The following GABRG1 variants were observed in gnomAD, a reference collection of about 807,000 sequenced individuals.
GABRG1 encodes gamma-aminobutyric acid type A receptor subunit gamma1.
In GABRG1, 49 loss-of-function variants were observed where a neutral mutation model predicts 49.8. The observed-to-expected ratio is 0.98, with a 90% CI of 0.78 to 1.25. The LOEUF is 1.25. Among genes scored for constraint, GABRG1 ranks in the 50% most tolerant of loss-of-function variants. The pLI is 0.00. For missense variants in GABRG1, 552 were observed against 552.3 expected (o/e 1.00, Z 0.01); for synonymous variants, 232 against 185.1 (o/e 1.25, Z -2.06).
chr4:46,097,285 G>A lies in GABRG1; in HGVS notation c.169C>T (p.Pro57Ser). ...GTGATATCTCCTTCATGAATTTTTGGGGCCAAGACCCAGGTTTTGTTCACC... is the reference window on the plus strand; with the variant it reads ...GTGATATCTCCTTCATGAATTTTTGAGGCCAAGACCCAGGTTTTGTTCACC... Reference protein sequence around the residue: ...LTVNKTWVLAPKIHEGDITQI... With the variant: ...LTVNKTWVLASKIHEGDITQI... The change falls in exon 2 of 9, where the codon CCA becomes TCA. Residue 57 changes from proline to serine, a missense_variant. Physicochemically the swap from Pro to Ser is moderately conservative, Grantham distance 74 (BLOSUM62 -1). Transcript: ENST00000295452. The A allele has an allele frequency of 1.2e-6, 2 of 1,610,638 alleles. No individual in the cohort carries two copies. Among genetic ancestry groups the A allele is most frequent in the Non-Finnish European group, 1.7e-6 (2 of 1,177,978 alleles).
At chr4:46,047,302 A>T (rs1167154647) in intron 8 of GABRG1, among the ~76,000 whole-genome samples, 2 of 152,104 alleles carry the variant, frequency 1.3e-5, no homozygotes, top group Admixed American at 1.3e-4. Flanking sequence ...CAGCTGACAT[A>T]GTTCCCTCTA....
chr4:46,044,261 C>A (rs1717901649), intron 8 of GABRG1, among the ~76,000 whole-genome samples: 1 of 151,862 alleles, frequency 6.6e-6, no homozygotes, highest in South Asian at 2.1e-4. Context: ...TTTCTTGAGC[C>A]CAGGAGTTTG....
At chr4:46,105,206 T>C (rs1284145295) in intron 1 of GABRG1, among the ~76,000 whole-genome samples, 1 of 151,376 alleles carries the variant, frequency 6.6e-6, no homozygotes, top group Non-Finnish European at 1.5e-5. Context: ...GGGCAAATTA[T>C]TGATACAAGA....
chr4:46,071,495 T>A (rs1719121318), intron 3 of GABRG1, among the ~76,000 whole-genome samples: 1 of 150,576 alleles, frequency 6.6e-6, no homozygotes, highest in Non-Finnish European at 1.5e-5. Flanking sequence ...GTATACAATA[T>A]GTATATGTAC....
At chr4:46,069,750 T>C (rs1041908674) in intron 3 of GABRG1, among the ~76,000 whole-genome samples, 22 of 152,218 alleles carry the variant, frequency 1.4e-4, no homozygotes, top group Non-Finnish European at 1.5e-5. Context: ...AGTTTTATAA[T>C]GTACTTGGTT....
intron 2 of GABRG1, among the ~76,000 whole-genome samples, chr4:46,088,738 TACAC>T (rs3069480): frequency 0.016 from 2,293 of 142,868 alleles, 45 homozygotes; most frequent in African/African-American, 0.049. Context: ...CACTATAAAA[TACAC>T]ACACACACAC....
Position 46,035,893 on chromosome 4 carries a change from A to G in GABRG1, c.*5095T>C, listed in dbSNP as rs1049950786. 1 of 152,016 alleles carries G rather than the reference A, an allele frequency of 6.6e-6. No homozygotes were observed. Among genetic ancestry groups the G allele is most frequent in the Non-Finnish European group, 1.5e-5 (1 of 67,906 alleles). 9.4% of individuals were successfully genotyped at this position (152,016 alleles called of 1,614,324 possible). A position where few individuals can be genotyped will look rare whatever the true frequency, so the allele number is the denominator to read the frequency against. Reference sequence around the variant, plus strand: ...GCCACAAAATTACAAATGTTCCTCAAAACAATGAGGCAGTAGCAGAATAAC... The same window carrying G: ...GCCACAAAATTACAAATGTTCCTCAGAACAATGAGGCAGTAGCAGAATAAC... On this transcript the variant is annotated 3_prime_UTR_variant, in exon 9 of 9. Coordinates refer to ENST00000295452, the MANE Select transcript of GABRG1 (RefSeq NM_173536.4).
intron 1 of GABRG1, among the ~76,000 whole-genome samples, chr4:46,106,209 A>G (rs1005123784): frequency 5.3e-5 from 8 of 151,412 alleles, no homozygotes; most frequent in Admixed American, 5.3e-4. Flanking sequence ...ATTTTAATCA[A>G]TAAATGCAGC....
chr4:46,120,317 G>A (rs1410820649), intron 1 of GABRG1, among the ~76,000 whole-genome samples: 1 of 151,190 alleles, frequency 6.6e-6, no homozygotes, highest in East Asian at 1.9e-4. Flanking sequence ...CCTCCTTTGG[G>A]CCTCCACCTT....
chr4:46,050,613 T>C (rs1718177299), intron 8 of GABRG1, among the ~76,000 whole-genome samples: 1 of 151,834 alleles, frequency 6.6e-6, no homozygotes, highest in African/African-American at 2.4e-5. Flanking sequence ...AATAAATGTC[T>C]ATTTTTTTAA....
chr4:46,105,165 C>A (rs1025318973), intron 1 of GABRG1, among the ~76,000 whole-genome samples: 1 of 151,240 alleles, frequency 6.6e-6, no homozygotes, highest in Non-Finnish European at 1.5e-5. Context: ...GAGAAGGAAG[C>A]TGGCAGAATG....
At chr4:46,104,595 T>C (rs957682759) in intron 1 of GABRG1, among the ~76,000 whole-genome samples, 8 of 151,560 alleles carry the variant, frequency 5.3e-5, no homozygotes, top group African/African-American at 1.7e-4. Context: ...TTTCATTGCA[T>C]TACATTCCTG....
chr4:46,108,075 T>A (rs1720609817), intron 1 of GABRG1, among the ~76,000 whole-genome samples: 1 of 151,112 alleles, frequency 6.6e-6, no homozygotes, highest in African/African-American at 2.4e-5. Flanking sequence ...TACAGAAAAA[T>A]TATTATATTA....
intron 2 of GABRG1, among the ~76,000 whole-genome samples, chr4:46,091,774 C>T (rs1484026245): frequency 1.3e-5 from 2 of 151,998 alleles, no homozygotes; most frequent in Non-Finnish European, 2.9e-5. Context: ...TGATGAAATA[C>T]AGGCCGAGAA....
At chr4:46,101,865 G>T (rs1720391570) in intron 1 of GABRG1, among the ~76,000 whole-genome samples, 1 of 151,484 alleles carries the variant, frequency 6.6e-6, no homozygotes, top group South Asian at 2.1e-4. Flanking sequence ...AAAACAGTTT[G>T]CTTTAATTGT....
At position 46,064,525 on chromosome 4, in the gene GABRG1, T is replaced by C; in HGVS notation, c.543-2A>G. ...TAACATTCTGCATTAATTGTCAATC[T>C]ATTTAGATGGAAAGAAAAGTATTAA... On this transcript the variant is annotated splice_acceptor_variant, in intron 4 of 8. Transcript: ENST00000295452. LOFTEE classifies it high-confidence loss of function. The C allele has an allele frequency of 5.6e-6, 8 of 1,422,064 alleles. No individual in the cohort carries two copies. The highest frequency in any genetic ancestry group is 7.6e-6 in the Non-Finnish European group (8 of 1,052,058). The allele number at this position is 1,422,064 out of a possible 1,614,324, so 88.1% of individuals were successfully genotyped here. A position where few individuals can be genotyped will look rare whatever the true frequency, so the allele number is the denominator to read the frequency against.
At chr4:46,043,257 A>T (rs1480919392) in intron 8 of GABRG1, among the ~76,000 whole-genome samples, 1 of 151,964 alleles carries the variant, frequency 6.6e-6, no homozygotes, top group Non-Finnish European at 1.5e-5. Flanking sequence ...ACTAAAATGA[A>T]CAAAAACTGC....
chr4:46,109,425 A>T lies in GABRG1; in HGVS notation c.105-12076T>A, dbSNP rs555482524. Among the ~76,000 whole-genome samples the T allele has an allele frequency of 4.6e-5, 7 of 150,726 alleles. No homozygotes were observed. The South Asian group carries it at 1.5e-3, about 31-fold the overall frequency. On this transcript the variant is annotated intron_variant, in intron 1 of 8. Coordinates refer to ENST00000295452, the MANE Select transcript of GABRG1 (RefSeq NM_173536.4). The stretch of plus-strand genomic sequence containing the variant: ...TCTTCTCTCTCTCTTTTTCTTTGTT[A>T]ATCTAGCTTTCAGTCCATCAATCTT...
intron 5 of GABRG1, 53 bp from the exon 6 acceptor site, chr4:46,058,675 A>T: frequency 7.2e-7 from 1 of 1,387,532 alleles, no homozygotes; most frequent in Non-Finnish European, 1.0e-6. Context: ...TACCATTGCA[A>T]TGCCAACATT....
Sources: allele counts gnomAD v4.1 joint callset (sites outside exome capture counted in the v4.1 genomes callset), GRCh38; gene constraint gnomAD v4.1.1; transcripts MANE v1.5; gene names NCBI Gene and HGNC (gene_info 2026-07-23, HGNC 2026-07-21).